Variants in PHF8 observed in about 807,000 individuals in gnomAD.
PHF8 encodes histone lysine demethylase PHF8.
Under a neutral mutation model 74.4 loss-of-function variants are expected in PHF8, and 9 were observed. The ratio of observed to expected loss-of-function variants is 0.12; its 90% CI spans 0.07 to 0.21. The LOEUF is 0.21. Among genes scored for constraint, PHF8 ranks in the 10% least tolerant of loss-of-function variants. The probability of loss-of-function intolerance (pLI) is 1.00; values close to 1 mark genes in which losing one functional copy is unlikely to be tolerated. For synonymous variants in PHF8, 311 were observed against 316.6 expected, an observed-to-expected ratio of 0.98 and a Z score of 0.19; for missense variants, 478 against 816.6, an observed-to-expected ratio of 0.59 and a Z score of 5.05.
At chrX:54,008,137 G>A in intron 8 of PHF8, among the ~76,000 whole-genome samples, 1 of 111,445 alleles carries the variant, frequency 9.0e-6, no homozygotes. Flanking sequence ...GGGAGGCTGA[G>A]GCAGACAGAT....
chrX:54,009,844 G>GAAA lies in PHF8; in HGVS notation c.946+1275_946+1277dup, dbSNP rs782363250. Reference sequence around the variant, plus strand: ...GGTGACAGAGTGAGACTCTGTCTCAGAAAAAAAAAAAAAAAAAAAAAAAAA... The same window carrying GAAA: ...GGTGACAGAGTGAGACTCTGTCTCAGAAAAAAAAAAAAAAAAAAAAAAAAAAAA... On this transcript the variant is annotated intron_variant, in intron 8 of 21. Transcript: ENST00000338154. Among the ~76,000 whole-genome samples, 10 of 9,390 alleles carry GAAA rather than the reference G, an allele frequency of 1.1e-3. 3 individuals are homozygous for GAAA. Among genetic ancestry groups the GAAA allele is most frequent in the Non-Finnish European group, 3.6e-3 (8 of 2,201 alleles). 8.2% of individuals were successfully genotyped at this position (9,390 alleles called of 115,157 possible).
chrX:53,986,512 C>T (rs1478266892), intron 16 of PHF8, among the ~76,000 whole-genome samples: 2 of 112,606 alleles, frequency 1.8e-5, no homozygotes, highest in Middle Eastern at 4.2e-3. Context: ...GGATTACAGG[C>T]GTGAGCCACC....
intron 2 of PHF8, among the ~76,000 whole-genome samples, chrX:54,034,337 T>C (rs1396023603): frequency 1.8e-5 from 2 of 111,675 alleles, no homozygotes; most frequent in African/African-American, 6.5e-5. Context: ...CCAATTTGAA[T>C]GACAGAGGCT....
upstream of PHF8, chrX:54,048,818 A>G (rs1421244052): frequency 8.9e-6 from 1 of 112,540 alleles, no homozygotes; most frequent in African/African-American, 3.2e-5. Flanking sequence ...GTTCCATCCC[A>G]TTGTAATGTA....
chrX:54,044,756 ACTC>A, upstream of PHF8: 2 of 563,014 alleles, frequency 3.6e-6, no homozygotes, highest in Admixed American at 4.1e-5. Flanking sequence ...CGACTCGCAC[ACTC>A]CTCCTCCCCA....
At position 53,985,823 on chromosome X, in the gene PHF8, C is replaced by A; in HGVS notation, c.2122G>T (p.Ala708Ser). Residue 708 changes from alanine (A) to serine (S), a missense_variant, in exon 17 of 22, where the codon GCC becomes TCC. Ala to Ser is a moderately conservative substitution (Grantham distance 99). Around this residue, in one of 9 missense-constraint regions of PHF8, gnomAD observed 45 missense variants for 94.4 expected, o/e 0.48. Transcript: ENST00000338154. The part of the protein sequence containing the change: ...SRQVGGPDYA[A>S]LTEAPASPST... ...ATAAAAGCCAGTACTCACGTGAGGG[C>A]AGCATAGTCAGGTCCCCCCACCTGC... The A allele has an allele frequency of 1.7e-6, 2 of 1,211,553 alleles. No individual in the cohort carries two copies. Among genetic ancestry groups the A allele is most frequent in the Non-Finnish European group, 2.2e-6 (2 of 895,381 alleles).
At chrX:54,001,199 G>A (rs1557104142) in intron 10 of PHF8, among the ~76,000 whole-genome samples, 1 of 111,356 alleles carries the variant, frequency 9.0e-6, no homozygotes, top group African/African-American at 3.3e-5. Flanking sequence ...AGTGGCGCGT[G>A]CCTATAGTCC....
chrX:53,977,916 G>A (rs2065408489), intron 18 of PHF8, among the ~76,000 whole-genome samples: 2 of 105,080 alleles, frequency 1.9e-5, no homozygotes, highest in Admixed American at 2.1e-4. Context: ...AAAGTGCTGG[G>A]ATTACAGGCG....
At chrX:53,952,887 CAAA>C (rs781901722) in intron 19 of PHF8, among the ~76,000 whole-genome samples, 3 of 44,838 alleles carry the variant, frequency 6.7e-5, no homozygotes, top group Non-Finnish European at 4.3e-5. Context: ...GACTCTGCCT[CAAA>C]AAAAAAAAAA....
At position 53,985,233 on chromosome X, in the gene PHF8, AG is replaced by A. The variant is rs782620627; in HGVS notation, c.2130-7del. 5.1e-5 allele frequency: 60 copies of A among 1,178,267 alleles called. No homozygotes were observed. Among genetic ancestry groups the A allele is most frequent in the Non-Finnish European group, 6.3e-5 (55 of 873,666 alleles). ...TGGGAGAAGCTGGGGCCTCGCTGCA[AG>A]GAACAGAGGAGAAATACTGAGAGAG... On this transcript the variant is annotated splice_polypyrimidine_tract_variant and splice_region_variant and intron_variant, in intron 17 of 21. Coordinates refer to ENST00000338154, the MANE Select transcript of PHF8 (RefSeq NM_015107.3).
At position 53,979,252 on chromosome X, in the gene PHF8, T is replaced by C. The variant is rs955656924; in HGVS notation, c.2443+5662A>G. Among the ~76,000 whole-genome samples the C allele has an allele frequency of 1.8e-4, 20 of 110,510 alleles. 1 individual carries two copies. The highest frequency in any genetic ancestry group is 6.6e-4 in the African/African-American group (20 of 30,369). ...ACAAAATTAGCCAGGCGTGGTGGCG[T>C]ACACCTGTAATCCCAGCTACTTAGG... On this transcript the variant is annotated intron_variant, in intron 18 of 21. Transcript: ENST00000338154.
intron 2 of PHF8, among the ~76,000 whole-genome samples, chrX:54,027,656 C>T (rs992182570): frequency 4.5e-5 from 5 of 111,316 alleles, no homozygotes; most frequent in African/African-American, 1.6e-4. Context: ...GCCCTGCCAA[C>T]CCTGTACACT....
intron 2 of PHF8, among the ~76,000 whole-genome samples, chrX:54,029,618 C>T (rs1462318165): frequency 5.4e-5 from 6 of 112,033 alleles, no homozygotes; most frequent in African/African-American, 1.9e-4. Flanking sequence ...ACTCAAGGGG[C>T]GAGTGCAGGC....
At chrX:54,009,844 G>GGGAAAAAAAAAAAAAAAAAAAAAAAA (rs2065952773) in intron 8 of PHF8, among the ~76,000 whole-genome samples, 1 of 9,383 alleles carries the variant, frequency 1.1e-4, no homozygotes, top group African/African-American at 1.6e-4. Flanking sequence ...CTCTGTCTCA[G>GGGAAAAAAAAAAAAAAAAAAAAAAAA]AAAAAAAAAA....
At chrX:53,944,987 A>C (rs2064809800) in intron 19 of PHF8, among the ~76,000 whole-genome samples, 1 of 110,724 alleles carries the variant, frequency 9.0e-6, no homozygotes, top group African/African-American at 3.3e-5. Context: ...GCATCACTGC[A>C]CTCCAGCCTC....
At chrX:53,992,310 A>G (rs375141546) in intron 14 of PHF8, among the ~76,000 whole-genome samples, 26 of 112,458 alleles carry the variant, frequency 2.3e-4, no homozygotes, top group African/African-American at 8.4e-4. Flanking sequence ...TTACTATTAC[A>G]AACAATGGTG....
At chrX:54,032,219 C>T (rs1557112749) in intron 2 of PHF8, among the ~76,000 whole-genome samples, 1 of 111,645 alleles carries the variant, frequency 9.0e-6, no homozygotes, top group South Asian at 3.7e-4. Context: ...GATTCTAGGG[C>T]TCCATCTCCA....
intron 18 of PHF8, among the ~76,000 whole-genome samples, chrX:53,966,416 T>TG (rs2065188169): frequency 8.9e-6 from 1 of 112,789 alleles, no homozygotes; most frequent in Admixed American, 9.3e-5. Context: ...ATTTTTTTGG[T>TG]GGAGACTGGG....
intron 2 of PHF8, among the ~76,000 whole-genome samples, chrX:54,036,926 G>A (rs1422293932): frequency 2.8e-5 from 3 of 106,455 alleles, no homozygotes; most frequent in African/African-American, 1.0e-4. Flanking sequence ...CTTGAACCCG[G>A]GAGGTGGAGG....
Sources: allele counts gnomAD v4.1 joint callset (sites outside exome capture counted in the v4.1 genomes callset), GRCh38; gene constraint gnomAD v4.1.1; regional missense constraint gnomAD v4.1.1; transcripts MANE v1.5; gene names NCBI Gene and HGNC (gene_info 2026-07-23, HGNC 2026-07-21).